The following MECR variants were observed in gnomAD, a reference collection of about 807,000 sequenced individuals.
The protein encoded by MECR is enoyl-[acyl-carrier-protein] reductase, mitochondrial.
Under a neutral mutation model 49.1 loss-of-function variants are expected in MECR, and 37 were observed. The observed-to-expected ratio is 0.75, with a 90% confidence interval of 0.58 to 0.99. The LOEUF is 0.99. Ranked by LOEUF, MECR falls within the 50% of genes least tolerant of loss-of-function variation. MECR has a pLI of 0.00. For synonymous variants in MECR, 198 were observed against 191.1 expected, an observed-to-expected ratio of 1.04 and a Z score of -0.30; for missense variants, 470 against 479.6, an observed-to-expected ratio of 0.98 and a Z score of 0.19.
chr1:29,223,334 G>A, intron 1 of MECR: 2 of 973,676 alleles, frequency 2.1e-6, no homozygotes, highest in Non-Finnish European at 2.4e-6. Flanking sequence ...GGGGAAAAGA[G>A]GCCAGTACCC....
chr1:29,173,773 G>T, the MECR span, among the ~76,000 whole-genome samples: 17 of 151,630 alleles, frequency 1.1e-4, no homozygotes, highest in African/African-American at 4.1e-4. Flanking sequence ...AATTTGTTAT[G>T]CTTGATAGGC....
intron 7 of MECR, 111 bp from the exon 8 acceptor site, chr1:29,196,369 C>T: frequency 2.1e-6 from 2 of 958,384 alleles, no homozygotes; most frequent in Non-Finnish European, 3.1e-6. Context: ...ACCCTGCTCT[C>T]AGAATCTCTG....
At chr1:29,198,874 C>T (rs1367626001) in intron 7 of MECR, among the ~76,000 whole-genome samples, 5 of 152,186 alleles carry the variant, frequency 3.3e-5, no homozygotes, top group African/African-American at 1.2e-4. Flanking sequence ...GCCTCGGCCT[C>T]CCAAAGTGCT....
intron 5 of MECR, 78 bp from the exon 6 acceptor site, chr1:29,202,123 C>T (rs1474492592): frequency 1.6e-6 from 2 of 1,226,704 alleles, no homozygotes; most frequent in Non-Finnish European, 2.4e-6. Flanking sequence ...TCTGCCACAG[C>T]TGGGAGAACC....
the MECR span, chr1:29,169,589 G>A: frequency 6.6e-6 from 1 of 152,102 alleles, no homozygotes; most frequent in Non-Finnish European, 1.5e-5. Context: ...ATAGAAAAAG[G>A]TAACAAATCA....
chr1:29,227,013 C>T (rs1161241492), intron 1 of MECR, among the ~76,000 whole-genome samples: 1 of 135,320 alleles, frequency 7.4e-6, no homozygotes, highest in African/African-American at 2.8e-5. Flanking sequence ...GGCTGGAGTG[C>T]AGTGGTGTGG....
the MECR span, among the ~76,000 whole-genome samples, chr1:29,177,407 G>A: frequency 4.0e-5 from 6 of 151,486 alleles, no homozygotes; most frequent in African/African-American, 7.3e-5. Context: ...TCAGCCTCCC[G>A]AGTAGCCAGG....
intron 3 of MECR, among the ~76,000 whole-genome samples, chr1:29,207,834 T>C (rs1676996863): frequency 6.6e-6 from 1 of 152,128 alleles, no homozygotes; most frequent in South Asian, 2.1e-4. Flanking sequence ...GAGTTACCAT[T>C]AGATTTAGTT....
chr1:29,185,778 A>G, the MECR span, among the ~76,000 whole-genome samples: 1 of 152,128 alleles, frequency 6.6e-6, no homozygotes, highest in African/African-American at 2.4e-5. Flanking sequence ...AGAACTAGCA[A>G]TCTGGCCTGG....
intron 5 of MECR, among the ~76,000 whole-genome samples, chr1:29,202,356 A>C (rs929722066): frequency 6.6e-6 from 1 of 152,152 alleles, no homozygotes. Flanking sequence ...TGAAAGGACA[A>C]ACTCCACTTC....
At chr1:29,228,845 A>G (rs1370799785) in intron 1 of MECR, 1 of 152,074 alleles carries the variant, frequency 6.6e-6, no homozygotes. Flanking sequence ...TTTTTTGGAA[A>G]TTTAGATTTA....
chr1:29,215,909 T>G (rs1352479486), intron 3 of MECR, 96 bp downstream of exon 3: 1 of 1,401,282 alleles, frequency 7.1e-7, no homozygotes, highest in Non-Finnish European at 9.7e-7. Flanking sequence ...AACCCTGCAT[T>G]ACCCAGGTAC....
chr1:29,189,944 C>T (rs1200751575), downstream of MECR, among the ~76,000 whole-genome samples: 3 of 152,132 alleles, frequency 2.0e-5, no homozygotes, highest in South Asian at 2.1e-4. Context: ...ATTTGTATTA[C>T]TTAGGATTAG....
At position 29,216,995 on chromosome 1, in the gene MECR, G is replaced by A. The variant is rs569456506; in HGVS notation, c.177-310C>T. Among the ~76,000 whole-genome samples the A allele has an allele frequency of 7.4e-4, 112 of 151,818 alleles. 1 individual carries two copies. The highest frequency in any genetic ancestry group is 2.6e-3 in the African/African-American group (106 of 41,438). ...ACTAAAATACAAAAATTAGCTGGGC[G>A]TGGTGGTCGGCGCCTGTAATCCCAG... is the stretch of plus-strand genomic sequence containing the variant. On this transcript the variant is annotated intron_variant, in intron 1 of 9. Coordinates refer to ENST00000263702, the MANE Select transcript of MECR (RefSeq NM_016011.5).
chr1:29,226,167 TAAAAAAAAAAAAAAA>T (rs57234529), intron 1 of MECR, among the ~76,000 whole-genome samples: 13 of 44,398 alleles, frequency 2.9e-4, no homozygotes, highest in African/African-American at 4.5e-4. Flanking sequence ...AGGCTCTATC[TAAAAAAAAAAAAAAA>T]AAAAAAAAAA....
At chr1:29,181,498 C>A in the MECR span, 1 of 617,374 alleles carries the variant, frequency 1.6e-6, no homozygotes, top group Non-Finnish European at 2.6e-6. Flanking sequence ...GGCCTACCCG[C>A]GCCCCCGAGG....
At position 29,192,790 on chromosome 1, in the gene MECR, T is replaced by C. The variant is rs184489010; in HGVS notation, c.*1232A>G. Reference sequence around the variant, plus strand: ...CTTCAAACTTCACCTCAAGGAAGCATACCCCTGTCCCTGGGGCCTAGGGCA... The same window carrying C: ...CTTCAAACTTCACCTCAAGGAAGCACACCCCTGTCCCTGGGGCCTAGGGCA... On this transcript the variant is annotated 3_prime_UTR_variant, in exon 10 of 10. Coordinates refer to ENST00000263702, the MANE Select transcript of MECR (RefSeq NM_016011.5). 1 of 152,304 alleles carries C rather than the reference T, an allele frequency of 6.6e-6. No individual in the cohort carries two copies. The highest frequency in any genetic ancestry group is 2.4e-5 in the African/African-American group (1 of 41,566). 9.4% of individuals were successfully genotyped at this position (152,304 alleles called of 1,614,324 possible).
intron 4 of MECR, among the ~76,000 whole-genome samples, chr1:29,203,823 G>A (rs1675914344): frequency 6.6e-6 from 1 of 152,236 alleles, no homozygotes; most frequent in African/African-American, 2.4e-5. Context: ...ATTCCTCTCT[G>A]CAGTGTTTAA....
At chr1:29,213,989 C>T (rs1011115926) in intron 3 of MECR, among the ~76,000 whole-genome samples, 4 of 151,884 alleles carry the variant, frequency 2.6e-5, no homozygotes, top group African/African-American at 9.7e-5. Flanking sequence ...TCTGATAGTA[C>T]TGGGGTTCCT....
Sources: allele counts gnomAD v4.1 joint callset (sites outside exome capture counted in the v4.1 genomes callset), GRCh38; gene constraint gnomAD v4.1.1; transcripts MANE v1.5; gene names NCBI Gene and HGNC (gene_info 2026-07-23, HGNC 2026-07-21).